The following TMEM207 variants were observed in gnomAD, a reference collection of about 807,000 sequenced individuals.
TMEM207 encodes the protein transmembrane protein 207, also known as SRSR846.
TMEM207 carries 15 observed loss-of-function variants against 17.4 expected under a neutral mutation model. That is an observed-to-expected ratio of 0.86 (90% CI 0.58 to 1.33). TMEM207 has a LOEUF of 1.33. Among genes scored for constraint, TMEM207 ranks in the 40% most tolerant of loss-of-function variants. TMEM207 has a pLI of 0.00. For missense variants in TMEM207, 205 were observed against 173.8 expected (o/e 1.18, Z -1.01); for synonymous variants, 70 against 65.6 (o/e 1.07, Z -0.33).
chr3:190,442,233 C>A (rs915076346), intron 2 of TMEM207, among the ~76,000 whole-genome samples: 2 of 152,180 alleles, frequency 1.3e-5, no homozygotes, highest in Non-Finnish European at 2.9e-5. Flanking sequence ...GGACTTTTTT[C>A]ATACCTCAAT....
At position 190,429,469 on chromosome 3, in the gene TMEM207, G is replaced by T. The variant is rs148703483; in HGVS notation, c.*126C>A. 3.6e-3 allele frequency: 4,859 copies of T among 1,342,582 alleles called. 32 individuals carry two copies. Among genetic ancestry groups the T allele is most frequent in the South Asian group, 0.018 (1,144 of 65,084 alleles). The allele number at this position is 1,342,582 out of a possible 1,614,324, so 83.2% of individuals were successfully genotyped here. The stretch of plus-strand genomic sequence containing the variant: ...CCAACATCCATTCTTTTGTCGAATT[G>T]TCCTTCCTCAGACTATATGAATAGA... On this transcript the variant is annotated 3_prime_UTR_variant, in exon 5 of 5. Coordinates refer to ENST00000354905, the MANE Select transcript of TMEM207 (RefSeq NM_207316.3).
rs1000240184 is a variant in TMEM207 at position 190,440,164 on chromosome 3, CT to C, written c.304+79del. ...ATCTTTTTCTAAGTTCCCAGATCTG[CT>C]TTTGGGAGAACAGTTTTTCAATTAA... On this transcript the variant is annotated intron_variant, in intron 4 of 4. Coordinates refer to ENST00000354905, the MANE Select transcript of TMEM207 (RefSeq NM_207316.3). 1.3e-5 allele frequency: 20 copies of C among 1,511,546 alleles called. No individual in the cohort carries two copies. In the African/African-American group the frequency reaches 2.5e-4, roughly 19 times the overall value. 93.6% of individuals were successfully genotyped at this position (1,511,546 alleles called of 1,614,324 possible).
intron 4 of TMEM207, among the ~76,000 whole-genome samples, chr3:190,437,646 G>C (rs1481528903): frequency 6.6e-6 from 1 of 151,978 alleles, no homozygotes; most frequent in African/African-American, 2.4e-5. Context: ...TTACACTGTT[G>C]GTGGGACTGT....
chr3:190,439,541 ATAGC>A (rs1244694408), intron 4 of TMEM207, among the ~76,000 whole-genome samples: 3 of 152,208 alleles, frequency 2.0e-5, no homozygotes, highest in Non-Finnish European at 2.9e-5. Flanking sequence ...AGATGAAGAA[ATAGC>A]TATCAATTAT....
At chr3:190,444,570 T>C in intron 2 of TMEM207, 3 of 422,216 alleles carry the variant, frequency 7.1e-6, no homozygotes, top group Non-Finnish European at 9.5e-6. Context: ...AATAGTGAGA[T>C]CAGTTTGTAA....
At chr3:190,447,767 G>T in intron 2 of TMEM207, 23 bp downstream of exon 2, 1 of 1,606,590 alleles carries the variant, frequency 6.2e-7, no homozygotes, top group Non-Finnish European at 8.5e-7. Flanking sequence ...ATAAAAACAT[G>T]GAGTTTTTCG....
At chr3:190,439,176 CAAAAAAAA>C (rs772313119) in intron 4 of TMEM207, among the ~76,000 whole-genome samples, 1 of 58,662 alleles carries the variant, frequency 1.7e-5, no homozygotes, top group Non-Finnish European at 3.1e-5. Context: ...GACTCCGTCT[CAAAAAAAA>C]AAAAAAAAAA....
chr3:190,434,681 T>C (rs2108532786), intron 4 of TMEM207, among the ~76,000 whole-genome samples: 1 of 152,344 alleles, frequency 6.6e-6, no homozygotes, highest in South Asian at 2.1e-4. Context: ...ACTAGAATTA[T>C]TCATCTTTGA....
At chr3:190,435,553 T>G (rs1014250849) in intron 4 of TMEM207, among the ~76,000 whole-genome samples, 4 of 152,150 alleles carry the variant, frequency 2.6e-5, no homozygotes, top group Non-Finnish European at 4.4e-5. Context: ...TTCTGAAGGG[T>G]AAAGATCTTC....
At chr3:190,443,145 C>CTTTTTTTTTT (rs201791052) in intron 2 of TMEM207, among the ~76,000 whole-genome samples, 10 of 140,374 alleles carry the variant, frequency 7.1e-5, no homozygotes, top group East Asian at 2.1e-4. Context: ...ATTAAAAAAG[C>CTTTTTTTTTT]TTTTTTTTTT....
chr3:190,446,097 C>T (rs1720039338), intron 2 of TMEM207, among the ~76,000 whole-genome samples: 1 of 152,074 alleles, frequency 6.6e-6, no homozygotes, highest in Non-Finnish European at 1.5e-5. Flanking sequence ...TTTTAAAAGA[C>T]ATTTGGAGTA....
At chr3:190,444,589 T>C (rs1720005933) in intron 2 of TMEM207, 1 of 290,814 alleles carries the variant, frequency 3.4e-6, no homozygotes, top group South Asian at 1.4e-4. Flanking sequence ...AAACCGAATA[T>C]AGTAAATACC....
chr3:190,436,458 A>AAG (rs1719804717), intron 4 of TMEM207, among the ~76,000 whole-genome samples: 1 of 152,214 alleles, frequency 6.6e-6, no homozygotes, highest in Admixed American at 6.5e-5. Flanking sequence ...TCAGAAGCAC[A>AAG]GTCCCATAAC....
At chr3:190,435,088 C>A (rs1373862592) in intron 4 of TMEM207, among the ~76,000 whole-genome samples, 1 of 152,138 alleles carries the variant, frequency 6.6e-6, no homozygotes, top group Non-Finnish European at 1.5e-5. Flanking sequence ...GACAGCCCCT[C>A]TTCTTCCTCC....
intron 2 of TMEM207, among the ~76,000 whole-genome samples, chr3:190,444,091 T>C (rs1719994621): frequency 6.6e-6 from 1 of 152,184 alleles, no homozygotes; most frequent in South Asian, 2.1e-4. Context: ...ATGAATTTGA[T>C]AAATTCAGGA....
intron 4 of TMEM207, among the ~76,000 whole-genome samples, chr3:190,435,516 G>T (rs909366383): frequency 2.0e-5 from 3 of 152,114 alleles, no homozygotes; most frequent in African/African-American, 7.2e-5. Flanking sequence ...CCCACAACAG[G>T]GGGCATCAGA....
At chr3:190,435,235 G>A (rs1719775881) in intron 4 of TMEM207, among the ~76,000 whole-genome samples, 2 of 152,144 alleles carry the variant, frequency 1.3e-5, no homozygotes, top group South Asian at 4.1e-4. Context: ...GGTTTCGGCA[G>A]GGTAGGTTTC....
intron 4 of TMEM207, among the ~76,000 whole-genome samples, chr3:190,435,805 C>T (rs1399058280): frequency 6.6e-6 from 1 of 152,140 alleles, no homozygotes; most frequent in African/African-American, 2.4e-5. Context: ...GGTGAGAACC[C>T]ACGGACCTCT....
intron 4 of TMEM207, among the ~76,000 whole-genome samples, 191 bp from the exon 5 acceptor site, chr3:190,429,922 A>T (rs1560105094): frequency 6.6e-6 from 1 of 152,112 alleles, no homozygotes; most frequent in African/African-American, 2.4e-5. Context: ...GGGAAAAAAA[A>T]AATTGCTTGC....
Sources: allele counts gnomAD v4.1 joint callset (sites outside exome capture counted in the v4.1 genomes callset), GRCh38; gene constraint gnomAD v4.1.1; transcripts MANE v1.5; gene names NCBI Gene and HGNC (gene_info 2026-07-23, HGNC 2026-07-21).